The following SCYL1 variants were observed in gnomAD, a reference collection of about 807,000 sequenced individuals.
SCYL1 encodes the protein SCY1 like pseudokinase 1.
Under a neutral mutation model 94.8 loss-of-function variants are expected in SCYL1, and 85 were observed. The ratio of observed to expected loss-of-function variants is 0.90; its 90% CI spans 0.75 to 1.07. The LOEUF (loss-of-function observed/expected upper bound fraction) is 1.07, where lower values mean the gene tolerates loss of function less well. SCYL1 is among the 50% of genes least tolerant of loss of function. The pLI is 0.00. For missense variants in SCYL1, 968 were observed against 1,083.3 expected (o/e 0.89, Z 1.49); for synonymous variants, 459 against 435.5 (o/e 1.05, Z -0.67).
Position 65,529,343 on chromosome 11 carries a change from C to T in SCYL1, c.850-1286C>T, listed in dbSNP as rs116512503. On this transcript the variant is annotated intron_variant, in intron 6 of 17. Transcript: ENST00000270176. ...TCGTACGGCTGGCTCTGCCAAGCTA[C>T]CCTTCTCCTTAAAGTGTACCCCATA... Among the ~76,000 whole-genome samples, 233 of 152,308 alleles carry T rather than the reference C, an allele frequency of 1.5e-3. 1 individual carries two copies. Among genetic ancestry groups the T allele is most frequent in the African/African-American group, 5.3e-3 (222 of 41,548 alleles).
chr11:65,531,714 T>A, intron 8 of SCYL1, 31 bp downstream of exon 8: 1 of 1,541,796 alleles, frequency 6.5e-7, no homozygotes, highest in Non-Finnish European at 9.0e-7. Context: ...TCTGTGGTGG[T>A]CCACCCAGAC....
chr11:65,533,044 AG>A, intron 9 of SCYL1: 1 of 512,138 alleles, frequency 2.0e-6, no homozygotes, highest in Non-Finnish European at 3.6e-6. Flanking sequence ...AGCATGCATG[AG>A]GTGCCCAGCC....
At chr11:65,533,026 T>C in intron 9 of SCYL1, 1 of 536,554 alleles carries the variant, frequency 1.9e-6, no homozygotes, top group East Asian at 3.2e-5. Context: ...AGCCCCATGC[T>C]GGGAGGCAGC....
At chr11:65,533,314 C>T (rs145549985) in intron 9 of SCYL1, 2,041 of 156,726 alleles carry the variant, frequency 0.013, 59 homozygotes, top group African/African-American at 0.047. Flanking sequence ...CCCAGCTACT[C>T]GGGAGGCTGA....
chr11:65,530,562 AC>A (rs1855310304), intron 6 of SCYL1, 66 bp from the exon 7 acceptor site: 1 of 1,542,428 alleles, frequency 6.5e-7, no homozygotes, highest in Non-Finnish European at 8.8e-7. Flanking sequence ...CCTTGTCCTC[AC>A]CCATGGCTGG....
Position 65,538,053 on chromosome 11 carries a change from GCAGGAGCCAAGCTCC to G in SCYL1, c.2128_2142del (p.Ser710_Pro714del), listed in dbSNP as rs1169616647. ...CTGAGGGCTCCTGGGAACAGGGCTG[GCAGGAGCCAAGCTCC>G]CAGGAGCCACCTCCTGACGGTACAC... On this transcript the variant is annotated inframe_deletion, in exon 16 of 18. Coordinates refer to ENST00000270176, the MANE Select transcript of SCYL1 (RefSeq NM_020680.4). 1.2e-6 allele frequency: 2 copies of G among 1,610,230 alleles called. No individual in the cohort carries two copies. The highest frequency in any genetic ancestry group is 8.5e-7 in the Non-Finnish European group (1 of 1,178,642).
intron 7 of SCYL1, 51 bp downstream of exon 7, chr11:65,530,838 C>T (rs1855326663): frequency 3.2e-6 from 5 of 1,559,326 alleles, no homozygotes; most frequent in Non-Finnish European, 4.3e-6. Context: ...CAGGAACTGC[C>T]AAAGAGAAGG....
rs530908409 is a variant in SCYL1, at chr11:65,537,899, G to A, written c.2031+19G>A. The A allele has an allele frequency of 5.6e-5, 89 of 1,579,832 alleles. 1 individual carries two copies. The East Asian group carries it at 2.0e-3, about 35-fold the overall frequency. On this transcript the variant is annotated intron_variant, in intron 15 of 17. Coordinates refer to ENST00000270176, the MANE Select transcript of SCYL1 (RefSeq NM_020680.4). ...TAGTCAGGTGAGCTGGGTCTGGTGG[G>A]GAGGTGTGTGTATGGGGCTCTTTCC...
Position 65,526,261 on chromosome 11 carries a change from G to T in SCYL1, c.513G>T (p.Gly171=), listed in dbSNP as rs868783577. ...TGTATTCGGCCCAGGGCAACGGTGG[G>T]GGACCTCCCCGCAAGGGGATCCCCG... The part of the protein sequence containing the change: ...DYMYSAQGNG[G]GPPRKGIPEL... Residue 171 remains glycine (G), a synonymous_variant, in exon 4 of 18, where the codon GGG becomes GGT. Coordinates refer to ENST00000270176, the MANE Select transcript of SCYL1 (RefSeq NM_020680.4). This position sits in a 1 kb window ranked among gnomAD's most constrained non-coding sequence, Gnocchi z 4.1. 20 of 1,613,160 alleles carry T rather than the reference G, an allele frequency of 1.2e-5. 1 individual carries two copies. In the Middle Eastern group the frequency reaches 2.5e-3, roughly 200 times the overall value.
chr11:65,536,714 A>G lies in SCYL1; in HGVS notation c.1780A>G (p.Thr594Ala). The change falls in exon 13 of 18, where the codon ACA becomes GCA. Residue 594 changes from threonine to alanine, a missense_variant. Physicochemically the swap from Thr to Ala is moderately conservative, Grantham distance 58. This residue lies in a region of SCYL1 where 474 missense variants were observed against 463.6 expected (regional missense o/e 1.02). Transcript: ENST00000270176. ...CCGTTCGCACCCAACCACTGCCCCA[A>G]CAGAAACCAACATTCCCCAAAGACC... ...LIRSHPTTAPTETNIPQRPTP... is the reference protein window; with the variant it reads ...LIRSHPTTAPAETNIPQRPTP... The G allele has an allele frequency of 6.2e-7, 1 of 1,609,366 alleles. No individual in the cohort carries two copies. Among genetic ancestry groups the G allele is most frequent in the Non-Finnish European group, 8.5e-7 (1 of 1,176,170 alleles).
chr11:65,535,585 G>A (rs1425259104), intron 10 of SCYL1: 1 of 694,594 alleles, frequency 1.4e-6, no homozygotes, highest in Non-Finnish European at 2.4e-6. Context: ...TCTGAATCCA[G>A]GCGTGCTTGG....
chr11:65,532,575 T>C (rs970336090), intron 8 of SCYL1, 117 bp from the exon 9 acceptor site: 1 of 797,708 alleles, frequency 1.3e-6, no homozygotes, highest in African/African-American at 1.7e-5. Context: ...GCTCAGGAGG[T>C]TGACCTGGCT....
intron 7 of SCYL1, 130 bp from the exon 8 acceptor site, chr11:65,531,446 G>A (rs1254406297): frequency 4.3e-6 from 3 of 693,182 alleles, no homozygotes; most frequent in African/African-American, 1.7e-5. Context: ...GAGCTACTGA[G>A]GAAATGCCTG....
In SCYL1 at chr11:65,526,439, G is replaced by A; in HGVS notation, c.602+89G>A. 9.5e-7 allele frequency: 1 copy of A among 1,052,476 alleles called. No homozygotes were observed. Among genetic ancestry groups the A allele is most frequent in the South Asian group, 1.6e-5 (1 of 61,960 alleles). The allele number at this position is 1,052,476 out of a possible 1,614,324, so 65.2% of individuals were successfully genotyped here. On this transcript the variant is annotated intron_variant, in intron 4 of 17. Transcript: ENST00000270176. The surrounding 1 kb of genome is among the most constrained non-coding windows in gnomAD (Gnocchi z 4.1). ...CTCCTAGACTAGTTGGCACTCCCCT[G>A]TTCCCTGCTGCCTGGCTGGGGAGGG... is the stretch of plus-strand genomic sequence containing the variant.
At position 65,536,659 on chromosome 11, in the gene SCYL1, C is replaced by T. The variant is rs1565078546; in HGVS notation, c.1725C>T (p.Thr575=). 8.1e-6 allele frequency: 13 copies of T among 1,613,960 alleles called. No homozygotes were observed. The highest frequency in any genetic ancestry group is 2.7e-5 in the African/African-American group (2 of 74,910). Residue 575 remains threonine, a synonymous_variant, in exon 13 of 18, where the codon ACC becomes ACT. Coordinates refer to ENST00000270176, the MANE Select transcript of SCYL1 (RefSeq NM_020680.4). Reference sequence around the variant, plus strand: ...CTAGCTGGGCAGGCTGGGCCGTGACCGGGGTCTCCTCACTCACCTCCAAGC... The same window carrying T: ...CTAGCTGGGCAGGCTGGGCCGTGACTGGGGTCTCCTCACTCACCTCCAAGC... ...AAASWAGWAV[T]GVSSLTSKLI... is the part of the protein sequence containing the mutation.
In SCYL1 at chr11:65,535,382, C is replaced by T. The variant is rs781625659; in HGVS notation, c.1386C>T (p.Ser462=). The change falls in exon 10 of 18, where the codon AGC becomes AGT. Residue 462 remains serine (S), a splice_region_variant and synonymous_variant. Coordinates refer to ENST00000270176, the MANE Select transcript of SCYL1 (RefSeq NM_020680.4). ...LGKIGSYLSA[S]TRHRVLTSAF... ...AAATCGGCTCCTACCTCAGTGCTAG[C>T]GTGAGTGTCCTGCACAACTGCTGGA... 2.0e-5 allele frequency: 33 copies of T among 1,613,594 alleles called. No homozygotes were observed. Among genetic ancestry groups the T allele is most frequent in the Middle Eastern group, 1.6e-4 (1 of 6,084 alleles).
chr11:65,538,095 G>A lies in SCYL1; in HGVS notation c.2160G>A (p.Arg720=), dbSNP rs749832812. 8.7e-6 allele frequency: 14 copies of A among 1,604,860 alleles called. No individual in the cohort carries two copies. The East Asian group carries it at 3.1e-4, about 36-fold the overall frequency. The change falls in exon 16 of 18, where the codon CGG becomes CGA. Residue 720 remains arginine (R), a synonymous_variant. Transcript: ENST00000270176. ...AGGAGCCACCTCCTGACGGTACACGGCTGGCCAGCGAGTATAACTGGGGTG... is the reference window on the plus strand; with the variant it reads ...AGGAGCCACCTCCTGACGGTACACGACTGGCCAGCGAGTATAACTGGGGTG... ...SSQEPPPDGT[R]LASEYNWGGP...
chr11:65,528,239 T>TC (rs1321660384), intron 6 of SCYL1, among the ~76,000 whole-genome samples: 2 of 151,350 alleles, frequency 1.3e-5, no homozygotes, highest in African/African-American at 4.9e-5. Flanking sequence ...GGTCGGGAGT[T>TC]CGATACCAGC....
chr11:65,529,147 T>A (rs1855242672), intron 6 of SCYL1, among the ~76,000 whole-genome samples: 1 of 151,992 alleles, frequency 6.6e-6, no homozygotes, highest in Non-Finnish European at 1.5e-5. Context: ...TGGCAGACAC[T>A]CCACAGACCC....
Sources: gnomAD v4.1 joint callset for allele counts (sites outside exome capture counted in the v4.1 genomes callset) on GRCh38, gnomAD v4.1.1 for gene constraint, gnomAD v4.1.1 regional missense constraint, Gnocchi (gnomAD v3.1) non-coding constraint, MANE v1.5 for transcripts, NCBI Gene and HGNC (gene_info 2026-07-23, HGNC 2026-07-21) for gene names.